Variants in RHEB observed in about 807,000 individuals in gnomAD.
The protein encoded by RHEB is Ras homolog, mTORC1 binding, also known as GTP-binding protein Rheb.
Under a neutral mutation model 28.8 loss-of-function variants are expected in RHEB, and 2 were observed. That is an observed-to-expected ratio of 0.07 (90% CI 0.03 to 0.22). The LOEUF (loss-of-function observed/expected upper bound fraction) is 0.22, where lower values mean the gene tolerates loss of function less well. RHEB is among the 10% of genes least tolerant of loss of function. The pLI, the probability that RHEB is intolerant of heterozygous loss-of-function variation, is 1.00. For synonymous variants in RHEB, 69 were observed against 77.3 expected (o/e 0.89, Z 0.56); for missense variants, 76 against 219.9 (o/e 0.35, Z 4.14).
intron 2 of RHEB, among the ~76,000 whole-genome samples, chr7:151,485,068 C>T (rs868308089): frequency 6.6e-6 from 1 of 152,176 alleles, no homozygotes; most frequent in South Asian, 2.1e-4. Context: ...CAATTCATAT[C>T]CTATAATAGT....
At chr7:151,480,073 A>G (rs1301198278) in intron 3 of RHEB, among the ~76,000 whole-genome samples, 1 of 152,228 alleles carries the variant, frequency 6.6e-6, no homozygotes, top group African/African-American at 2.4e-5. Flanking sequence ...TTGCTAACAC[A>G]TAGTGCTGGT....
At chr7:151,506,985 G>C (rs1056885689) in intron 1 of RHEB, among the ~76,000 whole-genome samples, 1 of 152,216 alleles carries the variant, frequency 6.6e-6, no homozygotes, top group East Asian at 1.9e-4. Context: ...AGGGCTTAAA[G>C]CCTGGAACTG....
chr7:151,484,675 G>A, intron 3 of RHEB, 62 bp downstream of exon 3: 1 of 1,238,794 alleles, frequency 8.1e-7, no homozygotes, highest in Non-Finnish European at 1.2e-6. Context: ...TTAAAAATCA[G>A]TGCTAGGACC....
intron 1 of RHEB, among the ~76,000 whole-genome samples, chr7:151,501,242 T>G (rs879364457): frequency 1.3e-5 from 2 of 152,180 alleles, no homozygotes; most frequent in Admixed American, 1.3e-4. Context: ...AGAATATGTT[T>G]CACTCTCATA....
At chr7:151,487,075 A>T (rs1207420409) in intron 2 of RHEB, among the ~76,000 whole-genome samples, 1 of 152,216 alleles carries the variant, frequency 6.6e-6, no homozygotes, top group Non-Finnish European at 1.5e-5. Flanking sequence ...AGGCCCAGGC[A>T]GGAGGACTGC....
chr7:151,498,271 C>T, intron 1 of RHEB: 1 of 592,332 alleles, frequency 1.7e-6, no homozygotes, highest in South Asian at 1.5e-5. Flanking sequence ...TTAGGGGAAA[C>T]ATCAATGAAA....
intron 1 of RHEB, among the ~76,000 whole-genome samples, chr7:151,495,787 CA>C (rs973088269): frequency 6.6e-6 from 1 of 151,856 alleles, no homozygotes; most frequent in Non-Finnish European, 1.5e-5. Flanking sequence ...CCTATCTCTA[CA>C]AAAAAAATAT....
intron 1 of RHEB, chr7:151,502,566 C>A: frequency 8.7e-7 from 1 of 1,144,316 alleles, no homozygotes; most frequent in Non-Finnish European, 1.3e-6. Flanking sequence ...TATTGTGTGA[C>A]AACAAATTCC....
At chr7:151,469,939 A>C (rs924206032) in intron 7 of RHEB, among the ~76,000 whole-genome samples, 5 of 152,146 alleles carry the variant, frequency 3.3e-5, no homozygotes, top group African/African-American at 9.7e-5. Context: ...CAGCAAAAAA[A>C]ATGTATAGGT....
Position 151,503,481 on chromosome 7 carries a change from C to T in RHEB, c.53-12467G>A, listed in dbSNP as rs181887983. 2.0e-3 allele frequency: 2,117 copies of T among 1,032,852 alleles called. 1 individual carries two copies. Among genetic ancestry groups the T allele is most frequent in the Admixed American group, 7.1e-3 (404 of 56,796 alleles). The allele number at this position is 1,032,852 out of a possible 1,614,324, so 64.0% of individuals were successfully genotyped here. A position where few individuals can be genotyped will look rare whatever the true frequency, so the allele number is the denominator to read the frequency against. ...ATGACTAGACATGAGTCTGGCAAAACGTGCCTCACCCTCCAGCATCCAACC... is the reference window on the plus strand; with the variant it reads ...ATGACTAGACATGAGTCTGGCAAAATGTGCCTCACCCTCCAGCATCCAACC... On this transcript the variant is annotated intron_variant, in intron 1 of 7. Coordinates refer to ENST00000262187, the MANE Select transcript of RHEB (RefSeq NM_005614.4).
In RHEB at chr7:151,519,675, C is replaced by A. The variant is rs1380959594; in HGVS notation, c.-164G>T. On this transcript the variant is annotated 5_prime_UTR_variant, in exon 1 of 8. Transcript: ENST00000262187. ...CGCTAGCTCGCGCGCTCCCAACCGC[C>A]CGGAACCGACCGCGCGGCGGCGCCC... is the stretch of plus-strand genomic sequence containing the variant. 4 of 462,650 alleles carry A rather than the reference C, an allele frequency of 8.6e-6. No homozygotes were observed. In the East Asian group the frequency reaches 1.6e-4, roughly 18 times the overall value. The allele number at this position is 462,650 out of a possible 1,614,324, so 28.7% of individuals were successfully genotyped here. A position where few individuals can be genotyped will look rare whatever the true frequency, so the allele number is the denominator to read the frequency against.
chr7:151,495,934 TC>T (rs1802664902), intron 1 of RHEB, among the ~76,000 whole-genome samples: 1 of 151,980 alleles, frequency 6.6e-6, no homozygotes, highest in African/African-American at 2.4e-5. Flanking sequence ...CCACGGTCTG[TC>T]CCCCCTCCCA....
chr7:151,488,681 C>T (rs79518313), intron 2 of RHEB, among the ~76,000 whole-genome samples: 1 of 152,106 alleles, frequency 6.6e-6, no homozygotes, highest in East Asian at 1.9e-4. Flanking sequence ...TATTTCTGCT[C>T]CTGCCTACAG....
At chr7:151,479,881 A>G (rs182562291) in intron 3 of RHEB, among the ~76,000 whole-genome samples, 13 of 152,270 alleles carry the variant, frequency 8.5e-5, no homozygotes, top group Admixed American at 3.9e-4. Context: ...CAACCACCCA[A>G]TAGAAAAAAA....
intron 3 of RHEB, among the ~76,000 whole-genome samples, chr7:151,480,930 C>T (rs550426356): frequency 5.3e-5 from 8 of 152,138 alleles, no homozygotes; most frequent in African/African-American, 1.4e-4. Flanking sequence ...GTGATCCACC[C>T]GCCTTGGCCT....
In RHEB at chr7:151,519,805, G is replaced by A. The variant is rs1203434358; in HGVS notation, c.-294C>T. On this transcript the variant is annotated 5_prime_UTR_variant, in exon 1 of 8. Transcript: ENST00000262187. ...CCCGAAATACGCGGGGGGTGCGTCG[G>A]GGCGACGTTTTACTTTAAAGGCAAA... 5.7e-5 allele frequency: 17 copies of A among 298,508 alleles called. No individual in the cohort carries two copies. In the Admixed American group the frequency reaches 7.2e-4, roughly 13 times the overall value. 18.5% of individuals were successfully genotyped at this position (298,508 alleles called of 1,614,324 possible).
Position 151,502,982 on chromosome 7 carries a change from T to G in RHEB, c.53-11968A>C, listed in dbSNP as rs1336050979. On this transcript the variant is annotated intron_variant, in intron 1 of 7. Transcript: ENST00000262187. ...TACTGAGTTATCTACTGAAGTCCTC[T>G]CCGAAGTGAAATTCATTCAAGAAAA... 5.1e-6 allele frequency: 4 copies of G among 783,894 alleles called. No homozygotes were observed. In the Admixed American group the frequency reaches 6.8e-5, roughly 13 times the overall value. The allele number at this position is 783,894 out of a possible 1,614,324, so 48.6% of individuals were successfully genotyped here. A position where few individuals can be genotyped will look rare whatever the true frequency, so the allele number is the denominator to read the frequency against.
intron 1 of RHEB, among the ~76,000 whole-genome samples, chr7:151,515,797 G>C (rs1394104391): frequency 1.3e-5 from 2 of 152,200 alleles, no homozygotes; most frequent in Non-Finnish European, 2.9e-5. Flanking sequence ...TTTTGACAAA[G>C]TAATAATTTG....
At chr7:151,473,233 A>G (rs777521745) in intron 4 of RHEB, among the ~76,000 whole-genome samples, 8 of 152,228 alleles carry the variant, frequency 5.3e-5, no homozygotes, top group Non-Finnish European at 1.2e-4. Context: ...ACCTGCCCCA[A>G]TGAAGTGAAG....
Sources: allele counts gnomAD v4.1 joint callset (sites outside exome capture counted in the v4.1 genomes callset), GRCh38; gene constraint gnomAD v4.1.1; transcripts MANE v1.5; gene names NCBI Gene and HGNC (gene_info 2026-07-23, HGNC 2026-07-21).